Variants in PHLDB1 observed in about 807,000 individuals in gnomAD.
PHLDB1 encodes pleckstrin homology-like domain family B member 1.
Under a neutral mutation model 139.3 loss-of-function variants are expected in PHLDB1, and 65 were observed. The ratio of observed to expected loss-of-function variants is 0.47; its 90% confidence interval spans 0.38 to 0.57. The LOEUF (loss-of-function observed/expected upper bound fraction) is 0.57. PHLDB1 is among the 20% of genes least tolerant of loss of function. The pLI is 0.00. For missense variants in PHLDB1, 1,624 were observed against 1,839.7 expected, an observed-to-expected ratio of 0.88 and a Z score of 2.14; for synonymous variants, 679 against 734.5, an observed-to-expected ratio of 0.92 and a Z score of 1.22.
At chr11:118,656,634 C>A (rs1555142016) in intron 22 of PHLDB1, 49 bp from the exon 23 acceptor site, 9 of 1,584,456 alleles carry the variant, frequency 5.7e-6, no homozygotes, top group Non-Finnish European at 7.8e-6. Flanking sequence ...GAGAATATTC[C>A]TGGGCATGGG....
intron 12 of PHLDB1, chr11:118,639,916 G>C (rs1555118872): frequency 2.0e-6 from 2 of 986,080 alleles, no homozygotes; most frequent in African/African-American, 3.5e-5. Flanking sequence ...AAGGCTCTGG[G>C]CCTTTTCCCA....
intron 17 of PHLDB1, chr11:118,646,775 T>C (rs1947600070): frequency 1.3e-5 from 2 of 152,270 alleles, no homozygotes; most frequent in East Asian, 3.9e-4. Context: ...ATATTTGAGA[T>C]GAGAGTGGGA....
chr11:118,613,947 C>A (rs1555086352), intron 2 of PHLDB1, 51 bp downstream of exon 2: 1 of 1,170,814 alleles, frequency 8.5e-7, no homozygotes, highest in Non-Finnish European at 1.3e-6. Context: ...GGGATGGGAT[C>A]AGCTCTTCTA....
At chr11:118,630,001 C>G in intron 6 of PHLDB1, 5 of 1,286,602 alleles carry the variant, frequency 3.9e-6, no homozygotes, top group Non-Finnish European at 4.0e-6. Flanking sequence ...ACTGGCCCAG[C>G]CTCCCAGGTG....
chr11:118,655,307 C>G, intron 20 of PHLDB1: 1 of 247,136 alleles, frequency 4.0e-6, no homozygotes, highest in Non-Finnish European at 7.8e-6. Context: ...TAGACTGCCT[C>G]CTTCACCATA....
Position 118,610,498 on chromosome 11 carries a change from G to T in PHLDB1, c.-22+2799G>T. The T allele has an allele frequency of 2.1e-6, 2 of 969,298 alleles. No homozygotes were observed. The highest frequency in any genetic ancestry group is 2.5e-6 in the Non-Finnish European group (2 of 815,252). The allele number at this position is 969,298 out of a possible 1,614,324, so 60.0% of individuals were successfully genotyped here. ...GCCACAGCCATGCACCGCTTGGGCCGAGGCCGAGGCCGACCCCCAGGGACA... is the reference window on the plus strand; with the variant it reads ...GCCACAGCCATGCACCGCTTGGGCCTAGGCCGAGGCCGACCCCCAGGGACA... On this transcript the variant is annotated intron_variant, in intron 1 of 22. Coordinates refer to ENST00000600882, the MANE Select transcript of PHLDB1 (RefSeq NM_001144758.3). The surrounding 1 kb of genome is among the most constrained non-coding windows in gnomAD (Gnocchi z 8.7).
At chr11:118,624,745 G>A (rs1286887125) in intron 4 of PHLDB1, 189 bp from the exon 5 acceptor site, 1 of 566,202 alleles carries the variant, frequency 1.8e-6, no homozygotes, top group Admixed American at 2.9e-5. Flanking sequence ...GGGATTATGG[G>A]ATTACAGGCG....
Position 118,616,033 on chromosome 11 carries a change from G to A in PHLDB1, c.185-8G>A, listed in dbSNP as rs1447521250. On this transcript the variant is annotated splice_region_variant and splice_polypyrimidine_tract_variant and intron_variant, in intron 3 of 22. Transcript: ENST00000600882. ...ACCCCTCTGATTCAGTTTGCCTCTT[G>A]TCTCCAGGGAGGACGGTGATTGGCT... 2 of 1,609,266 alleles carry A rather than the reference G, an allele frequency of 1.2e-6. No individual in the cohort carries two copies. The highest frequency in any genetic ancestry group is 2.2e-5 in the East Asian group (1 of 44,810).
intron 12 of PHLDB1, chr11:118,639,507 G>C: frequency 2.1e-6 from 1 of 479,672 alleles, no homozygotes; most frequent in East Asian, 3.8e-5. Flanking sequence ...TATGTGGGGG[G>C]ACTCAGGGGC....
rs191783203 is a variant in PHLDB1 at position 118,647,829 on chromosome 11, A to G, written c.3508-101A>G. The G allele has an allele frequency of 7.0e-5, 90 of 1,280,906 alleles. 1 individual carries two copies. In the East Asian group the frequency reaches 2.1e-3, roughly 30 times the overall value. The allele number at this position is 1,280,906 out of a possible 1,614,324, so 79.3% of individuals were successfully genotyped here. A position where few individuals can be genotyped will look rare whatever the true frequency, so the allele number is the denominator to read the frequency against. On this transcript the variant is annotated intron_variant, in intron 17 of 22. Coordinates refer to ENST00000600882, the MANE Select transcript of PHLDB1 (RefSeq NM_001144758.3). ...AGATGATGCCTCCTCATGCCAGACT[A>G]CCCTGAGGTGGATTCCTCCTGCAGC...
upstream of PHLDB1, chr11:118,607,454 T>G (rs1591400736): frequency 5.4e-5 from 2 of 37,070 alleles, no homozygotes; most frequent in Non-Finnish European, 1.0e-4. Context: ...GGTGCTGCTG[T>G]GGGAAAGGGT....
intron 1 of PHLDB1, among the ~76,000 whole-genome samples, chr11:118,609,629 G>A (rs1565378854): frequency 6.6e-6 from 1 of 152,162 alleles, no homozygotes; most frequent in African/African-American, 2.4e-5. Flanking sequence ...GCCAGGCTCG[G>A]AACGGGCGGT....
At chr11:118,635,088 G>A (rs1417512890) in intron 9 of PHLDB1, 1 of 537,208 alleles carries the variant, frequency 1.9e-6, no homozygotes, top group Non-Finnish European at 3.5e-6. Context: ...GGCCCCGCGG[G>A]CCACGCCCCA....
At chr11:118,623,315 G>A (rs1176724126) in intron 4 of PHLDB1, among the ~76,000 whole-genome samples, 1 of 152,216 alleles carries the variant, frequency 6.6e-6, no homozygotes, top group Non-Finnish European at 1.5e-5. Context: ...TCCCAACATA[G>A]TATCTTCTGC....
In PHLDB1 at chr11:118,642,360, C is replaced by A. The variant is rs144530920; in HGVS notation, c.2843C>A (p.Pro948Gln). 3.5e-5 allele frequency: 57 copies of A among 1,610,530 alleles called. No homozygotes were observed. The highest frequency in any genetic ancestry group is 4.4e-5 in the Non-Finnish European group (52 of 1,179,994). ...PAAASPHSSP[P>Q]PLPAKASRQL... Reference sequence around the variant, plus strand: ...GCAGCCTCCCCTCACTCTTCTCCCCCGCCTCTGCCCGCCAAAGCTTCCCGT... The same window carrying A: ...GCAGCCTCCCCTCACTCTTCTCCCCAGCCTCTGCCCGCCAAAGCTTCCCGT... The change falls in exon 13 of 23, where the codon CCG (proline) becomes CAG (glutamine). Residue 948 changes from proline to glutamine, a missense_variant. Coordinates refer to ENST00000600882, the MANE Select transcript of PHLDB1 (RefSeq NM_001144758.3).
At chr11:118,613,598 G>A (rs990775677) in intron 1 of PHLDB1, 39 of 634,702 alleles carry the variant, frequency 6.1e-5, no homozygotes, top group Middle Eastern at 5.0e-4. Context: ...GCAGGGGGCA[G>A]GACTGGTATC....
At chr11:118,622,937 G>A (rs879963691) in intron 4 of PHLDB1, among the ~76,000 whole-genome samples, 27 of 152,122 alleles carry the variant, frequency 1.8e-4, no homozygotes, top group Non-Finnish European at 3.4e-4. Context: ...GCCTGGGAGG[G>A]CCTTTGTGTA....
rs1206693180 is a variant in PHLDB1, at chr11:118,647,994, A to C, written c.3572A>C (p.Glu1191Ala). 1.9e-6 allele frequency: 3 copies of C among 1,607,882 alleles called. No homozygotes were observed. The highest frequency in any genetic ancestry group is 1.7e-6 in the Non-Finnish European group (2 of 1,177,116). The change falls in exon 18 of 23, where the codon GAA becomes GCA. Residue 1191 changes from glutamate to alanine, a missense_variant. By Grantham distance (107) the Glu-to-Ala change is moderately radical. Transcript: ENST00000600882. ...EEERRRREQV[E>A]RRLQSESARR... Reference sequence around the variant, plus strand: ...GAGCGGCGGAGGCGTGAGCAGGTAGAACGGAGGCTGCAGAGTGAGAGTGCC... The same window carrying C: ...GAGCGGCGGAGGCGTGAGCAGGTAGCACGGAGGCTGCAGAGTGAGAGTGCC...
chr11:118,641,803 C>G, intron 12 of PHLDB1: 1 of 1,281,282 alleles, frequency 7.8e-7, no homozygotes, highest in Non-Finnish European at 1.0e-6. Flanking sequence ...TTTGTGAGTT[C>G]TTGCTACCCC....
Sources: allele counts gnomAD v4.1 joint callset (sites outside exome capture counted in the v4.1 genomes callset), GRCh38; gene constraint gnomAD v4.1.1; non-coding constraint Gnocchi (gnomAD v3.1); transcripts MANE v1.5; gene names NCBI Gene and HGNC (gene_info 2026-07-23, HGNC 2026-07-21).